GRID2: variants seen among roughly 807,000 people sequenced by gnomAD.
GRID2 encodes the protein glutamate ionotropic receptor delta type subunit 2.
GRID2 carries 33 observed loss-of-function variants against 114.8 expected under a neutral mutation model. That is an observed-to-expected ratio of 0.29 (90% CI 0.22 to 0.38). The LOEUF is 0.38. Ranked by LOEUF, GRID2 falls within the 10% of genes least tolerant of loss-of-function variation. GRID2 has a pLI of 1.00. For synonymous variants in GRID2, 505 were observed against 449.9 expected (o/e 1.12, Z -1.55); for missense variants, 1,184 against 1,257.7 (o/e 0.94, Z 0.89).
intron 2 of GRID2, among the ~76,000 whole-genome samples, chr4:92,984,361 G>C (rs940384141): frequency 6.6e-6 from 1 of 152,198 alleles, no homozygotes; most frequent in Non-Finnish European, 1.5e-5. Context: ...CAAGAAGAGG[G>C]AAAGTTGGAA....
At chr4:92,810,161 T>C (rs1740601088) in intron 2 of GRID2, among the ~76,000 whole-genome samples, 1 of 152,078 alleles carries the variant, frequency 6.6e-6, no homozygotes, top group Non-Finnish European at 1.5e-5. Context: ...ATGTCACTTA[T>C]GTCTCTGAAA....
At chr4:92,355,521 G>C in intron 1 of GRID2, among the ~76,000 whole-genome samples, 1 of 151,640 alleles carries the variant, frequency 6.6e-6, no homozygotes, top group Admixed American at 6.6e-5. Flanking sequence ...AAGAAAAAAA[G>C]GTCATAAGGG....
intron 2 of GRID2, among the ~76,000 whole-genome samples, chr4:92,891,164 T>C (rs888556069): frequency 3.3e-5 from 5 of 151,994 alleles, no homozygotes; most frequent in Admixed American, 3.3e-4. Flanking sequence ...ATACCTAATG[T>C]AGATGATGGG....
chr4:93,047,062 C>T (rs1468947342), intron 2 of GRID2, among the ~76,000 whole-genome samples: 1 of 151,806 alleles, frequency 6.6e-6, no homozygotes, highest in African/African-American at 2.4e-5. Flanking sequence ...TGTGGTCTTC[C>T]TTCTAATAAC....
chr4:92,939,605 A>G (rs1358102310), intron 2 of GRID2, among the ~76,000 whole-genome samples: 4 of 147,084 alleles, frequency 2.7e-5, no homozygotes, highest in Non-Finnish European at 4.5e-5. Context: ...TTTTGTTGCC[A>G]TTGCTTTTGG....
chr4:92,437,662 T>C (rs1732803073), intron 1 of GRID2, among the ~76,000 whole-genome samples: 1 of 152,234 alleles, frequency 6.6e-6, no homozygotes. Context: ...TCCTTTTCTG[T>C]TTAACCTCAA....
chr4:92,947,295 T>G (rs1277049398), intron 2 of GRID2, among the ~76,000 whole-genome samples: 1 of 152,050 alleles, frequency 6.6e-6, no homozygotes, highest in Non-Finnish European at 1.5e-5. Flanking sequence ...TCTACCTGTA[T>G]GCCCAATATT....
At chr4:93,662,552 G>A (rs1054451695) in intron 14 of GRID2, among the ~76,000 whole-genome samples, 29 of 151,968 alleles carry the variant, frequency 1.9e-4, no homozygotes, top group Non-Finnish European at 3.8e-4. Context: ...ATAAATAAAC[G>A]TAGAGACACA....
intron 8 of GRID2, among the ~76,000 whole-genome samples, chr4:93,326,125 T>C (rs73840819): frequency 0.03 from 4,516 of 152,164 alleles, 121 homozygotes; most frequent in African/African-American, 0.075. Flanking sequence ...GTAGAGGAAA[T>C]AGGAAATACT....
At chr4:93,680,728 AC>A (rs1220907389) in intron 14 of GRID2, among the ~76,000 whole-genome samples, 4 of 151,482 alleles carry the variant, frequency 2.6e-5, no homozygotes, top group Non-Finnish European at 5.9e-5. Flanking sequence ...AAATTCAACA[AC>A]CCTTCATGCT....
At chr4:93,359,635 T>A (rs1761689593) in intron 8 of GRID2, among the ~76,000 whole-genome samples, 1 of 151,054 alleles carries the variant, frequency 6.6e-6, no homozygotes, top group African/African-American at 2.4e-5. Flanking sequence ...TGTTTTGATT[T>A]TTAGATCACA....
intron 14 of GRID2, among the ~76,000 whole-genome samples, chr4:93,648,101 G>A (rs933549780): frequency 6.6e-6 from 1 of 152,128 alleles, no homozygotes; most frequent in African/African-American, 2.4e-5. Context: ...CTAGTTAAAT[G>A]AAAATAGAAA....
chr4:93,308,314 G>A (rs1433648), intron 8 of GRID2, among the ~76,000 whole-genome samples: 83,640 of 151,912 alleles, frequency 0.55, 24,438 homozygotes, highest in Middle Eastern at 0.74. Flanking sequence ...TTTCGAAAGT[G>A]TCTAGCATGA....
At chr4:92,536,047 G>C (rs1725607637) in intron 1 of GRID2, among the ~76,000 whole-genome samples, 1 of 152,182 alleles carries the variant, frequency 6.6e-6, no homozygotes, top group Admixed American at 6.5e-5. Flanking sequence ...GCAGCATTAG[G>C]ATACATTGCA....
intron 8 of GRID2, among the ~76,000 whole-genome samples, chr4:93,273,007 G>A (rs1751640870): frequency 6.6e-6 from 1 of 152,110 alleles, no homozygotes; most frequent in Admixed American, 6.6e-5. Flanking sequence ...ATCCTTTGTA[G>A]TTCACTCTGC....
intron 10 of GRID2, among the ~76,000 whole-genome samples, chr4:93,432,883 G>A (rs1413372781): frequency 6.6e-6 from 1 of 152,034 alleles, no homozygotes; most frequent in African/African-American, 2.4e-5. Flanking sequence ...GCAACATAGA[G>A]AGACCTCCAC....
chr4:92,998,689 T>G (rs189216471), intron 2 of GRID2, among the ~76,000 whole-genome samples: 3 of 151,850 alleles, frequency 2.0e-5, no homozygotes, highest in African/African-American at 7.2e-5. Context: ...TGTCAGATTT[T>G]TTTTTTTCAA....
At chr4:93,627,181 G>T (rs1459810775) in intron 14 of GRID2, among the ~76,000 whole-genome samples, 10 of 152,098 alleles carry the variant, frequency 6.6e-5, no homozygotes, top group African/African-American at 2.4e-4. Flanking sequence ...CTTCCACATA[G>T]AAGTATATCC....
In GRID2 at chr4:93,044,834, C is replaced by T. The variant is rs190188427; in HGVS notation, c.245-40161C>T. Among the ~76,000 whole-genome samples the T allele has an allele frequency of 9.6e-4, 146 of 152,182 alleles. 1 individual carries two copies. Among genetic ancestry groups the T allele is most frequent in the African/African-American group, 3.1e-3 (130 of 41,526 alleles). On this transcript the variant is annotated intron_variant, in intron 2 of 15. Transcript: ENST00000282020. ...ATCATGGCAAGGTATCATTAGTGTC[C>T]TGGACATTTAAAATATGCAGTGTAT...
Sources: allele counts gnomAD v4.1 joint callset (sites outside exome capture counted in the v4.1 genomes callset), GRCh38; gene constraint gnomAD v4.1.1; transcripts MANE v1.5; gene names NCBI Gene and HGNC (gene_info 2026-07-23, HGNC 2026-07-21).